Variants in UGGT2 observed in about 807,000 individuals in gnomAD.
UGGT2 encodes the protein UDP-glucose:glycoprotein glucosyltransferase 2.
In UGGT2, 180 loss-of-function variants were observed where a neutral mutation model predicts 192.1. The ratio of observed to expected loss-of-function variants is 0.94; its 90% CI spans 0.83 to 1.06. UGGT2 has a LOEUF of 1.06. Ranked by LOEUF, UGGT2 falls within the 50% of genes least tolerant of loss-of-function variation. The pLI, the probability that UGGT2 is intolerant of heterozygous loss-of-function variation, is 0.00. For missense variants in UGGT2, 1,849 were observed against 1,795.7 expected (o/e 1.03, Z -0.54); for synonymous variants, 580 against 591.0 (o/e 0.98, Z 0.27).
chr13:95,807,716 C>CTTTTTT lies in UGGT2; in HGVS notation c.4529-5910_4529-5905dup. The stretch of plus-strand genomic sequence containing the variant: ...GTATCTTGAAACCCTCAGCCCTCAC[C>CTTTTTT]TTTTTTTTTTTTTTTTTTTGCCGTA... On this transcript the variant is annotated intron_variant, in intron 38 of 38. Transcript: ENST00000376747. 2.0e-4 allele frequency among the ~76,000 whole-genome samples: 16 copies of CTTTTTT among 78,696 alleles called. 2 individuals are homozygous for CTTTTTT. Among genetic ancestry groups the CTTTTTT allele is most frequent in the African/African-American group, 3.1e-4 (6 of 19,376 alleles). The allele number at this position is 78,696 out of a possible 152,430, so 51.6% of individuals were successfully genotyped here.
chr13:95,883,478 A>G (rs935709156), intron 27 of UGGT2, among the ~76,000 whole-genome samples: 11 of 152,092 alleles, frequency 7.2e-5, no homozygotes, highest in African/African-American at 2.7e-4. Context: ...TCTCATGTCT[A>G]ATTGTAATCC....
intron 1 of UGGT2, among the ~76,000 whole-genome samples, chr13:96,051,081 C>G (rs1324992984): frequency 6.6e-6 from 1 of 152,136 alleles, no homozygotes; most frequent in South Asian, 2.1e-4. Context: ...TGGAACCAAC[C>G]CAAATGTCCG....
chr13:95,904,452 C>G (rs554253154), intron 20 of UGGT2, among the ~76,000 whole-genome samples: 2 of 130,206 alleles, frequency 1.5e-5, no homozygotes, highest in Non-Finnish European at 1.6e-5. Flanking sequence ...CCCTCCCCCC[C>G]ACCCCACAAC....
At chr13:95,955,655 T>C (rs1034894256) in intron 12 of UGGT2, among the ~76,000 whole-genome samples, 1 of 152,114 alleles carries the variant, frequency 6.6e-6, no homozygotes, top group Admixed American at 6.6e-5. Flanking sequence ...CCACACTCTT[T>C]CCCTCAACCA....
intron 20 of UGGT2, among the ~76,000 whole-genome samples, chr13:95,922,002 A>G (rs1237122031): frequency 1.3e-5 from 2 of 152,234 alleles, no homozygotes; most frequent in African/African-American, 4.8e-5. Flanking sequence ...ACTATTCACA[A>G]TGGCAAAGAC....
chr13:95,993,673 T>G (rs951761614), intron 7 of UGGT2, among the ~76,000 whole-genome samples: 1 of 152,150 alleles, frequency 6.6e-6, no homozygotes, highest in African/African-American at 2.4e-5. Context: ...AACATAGTTA[T>G]CCATATAAAT....
rs534462580 is a variant in UGGT2 at position 95,869,457 on chromosome 13, C to T, written c.3474-2034G>A. On this transcript the variant is annotated intron_variant, in intron 29 of 38. Coordinates refer to ENST00000376747, the MANE Select transcript of UGGT2 (RefSeq NM_020121.4). Reference sequence around the variant, plus strand: ...TTCTAGTTCTAGATCCCTCAGGAATCACCACACTGACTTCCACAATGGTTG... The same window carrying T: ...TTCTAGTTCTAGATCCCTCAGGAATTACCACACTGACTTCCACAATGGTTG... 2.0e-5 allele frequency among the ~76,000 whole-genome samples: 3 copies of T among 152,282 alleles called. No homozygotes were observed. The South Asian group carries it at 6.2e-4, about 32-fold the overall frequency.
Position 95,970,281 on chromosome 13 carries a change from AAC to A in UGGT2, c.1185-21_1185-20del, listed in dbSNP as rs571825646. The A allele has an allele frequency of 2.4e-4, 373 of 1,574,890 alleles. No individual in the cohort carries two copies. Among genetic ancestry groups the A allele is most frequent in the Middle Eastern group, 8.5e-4 (5 of 5,858 alleles). On this transcript the variant is annotated intron_variant, in intron 11 of 38. Transcript: ENST00000376747. ...CAAAATACTATATATTCAAAGAAAAAACAGTTTTATTTTGATTTTCCAAATTA... is the reference window on the plus strand; with the variant it reads ...CAAAATACTATATATTCAAAGAAAAAAGTTTTATTTTGATTTTCCAAATTA...
At chr13:95,982,222 G>A (rs1174303306) in intron 10 of UGGT2, among the ~76,000 whole-genome samples, 2 of 152,108 alleles carry the variant, frequency 1.3e-5, no homozygotes, top group Non-Finnish European at 2.9e-5. Flanking sequence ...CCTCGGTAAG[G>A]TTTTCCTTTT....
chr13:96,010,958 C>G (rs988099002), intron 5 of UGGT2, among the ~76,000 whole-genome samples: 5 of 152,096 alleles, frequency 3.3e-5, no homozygotes, highest in African/African-American at 1.2e-4. Context: ...GAAATAGACC[C>G]ATACAAATAC....
intron 38 of UGGT2, among the ~76,000 whole-genome samples, chr13:95,817,175 C>T (rs1884992787): frequency 6.6e-6 from 1 of 152,020 alleles, no homozygotes; most frequent in African/African-American, 2.4e-5. Context: ...AATCTTATAC[C>T]TCAGTAAAGA....
chr13:95,923,341 G>C (rs1393726393), intron 20 of UGGT2, among the ~76,000 whole-genome samples: 1 of 150,780 alleles, frequency 6.6e-6, no homozygotes, highest in Non-Finnish European at 1.5e-5. Context: ...TTACAGGCAC[G>C]AGCCACCATG....
At chr13:95,939,494 T>G (rs2049588396) in intron 16 of UGGT2, among the ~76,000 whole-genome samples, 5 of 118,762 alleles carry the variant, frequency 4.2e-5, no homozygotes, top group Admixed American at 2.4e-4. Context: ...TTTTTTTTTT[T>G]GGCTCTTTCC....
chr13:95,829,758 T>C (rs1183338989), intron 38 of UGGT2, among the ~76,000 whole-genome samples: 2 of 151,948 alleles, frequency 1.3e-5, no homozygotes, highest in East Asian at 3.9e-4. Flanking sequence ...AGGTAATTCA[T>C]AGATTCAGTG....
intron 9 of UGGT2, among the ~76,000 whole-genome samples, chr13:95,985,877 C>T (rs1204369493): frequency 3.3e-5 from 5 of 152,096 alleles, no homozygotes; most frequent in Non-Finnish European, 7.4e-5. Context: ...AAAAGTACTC[C>T]ACACAATATT....
At chr13:95,937,586 T>C (rs2049508210) in intron 16 of UGGT2, among the ~76,000 whole-genome samples, 1 of 152,180 alleles carries the variant, frequency 6.6e-6, no homozygotes, top group Non-Finnish European at 1.5e-5. Flanking sequence ...GATACTGTGA[T>C]TATAGAGCTG....
rs150152581 is a variant in UGGT2 at position 96,039,306 on chromosome 13, G to A, written c.159-7335C>T. Among the ~76,000 whole-genome samples, 60 of 152,108 alleles carry A rather than the reference G, an allele frequency of 3.9e-4. 1 individual carries two copies. The East Asian group carries it at 0.01, about 25-fold the overall frequency. On this transcript the variant is annotated intron_variant, in intron 1 of 38. Coordinates refer to ENST00000376747, the MANE Select transcript of UGGT2 (RefSeq NM_020121.4). The stretch of plus-strand genomic sequence containing the variant: ...TCTTTCATTTTGTCTTGTCTCTTTC[G>A]GTCCAAGCTGACAGTGTTTCTAATA...
At chr13:95,971,325 T>C (rs897049900) in intron 11 of UGGT2, among the ~76,000 whole-genome samples, 2 of 152,208 alleles carry the variant, frequency 1.3e-5, no homozygotes, top group African/African-American at 2.4e-5. Flanking sequence ...TCTTCCTCTT[T>C]GCATTAATTT....
At chr13:95,938,647 C>G (rs2049550823) in intron 16 of UGGT2, among the ~76,000 whole-genome samples, 2 of 152,134 alleles carry the variant, frequency 1.3e-5, no homozygotes, top group South Asian at 4.1e-4. Flanking sequence ...TATGCAAACT[C>G]TCTCCTAAAG....
Sources: gnomAD v4.1 joint callset for allele counts (sites outside exome capture counted in the v4.1 genomes callset) on GRCh38, gnomAD v4.1.1 for gene constraint, MANE v1.5 for transcripts, NCBI Gene and HGNC (gene_info 2026-07-23, HGNC 2026-07-21) for gene names.